NGLY1: variants seen among roughly 807,000 people sequenced by gnomAD.
NGLY1 encodes N-glycanase 1, also known as peptide-N(4)-(N-acetyl-beta-glucosaminyl)asparagine amidase.
A neutral mutation model predicts 84.6 loss-of-function variants in NGLY1; 68 were observed. The observed-to-expected ratio is 0.80, with a 90% CI of 0.66 to 0.98. The LOEUF is 0.98. NGLY1 is among the 50% of genes least tolerant of loss of function. The pLI, the probability that NGLY1 is intolerant of heterozygous loss-of-function variation, is 0.00. For synonymous variants in NGLY1, 280 were observed against 275.2 expected (o/e 1.02, Z -0.17); for missense variants, 779 against 770.2 (o/e 1.01, Z -0.14).
rs562572664 is a variant in NGLY1, at chr3:25,761,291, T to C, written c.492+2775A>G. Among the ~76,000 whole-genome samples the C allele has an allele frequency of 3.3e-5, 5 of 152,320 alleles. No individual in the cohort carries two copies. The South Asian group carries it at 1.0e-3, about 32-fold the overall frequency. ...ATCACATTTTCAACCGAGATAAAGT[T>C]GTGAAGCTGGAAACATAATGCTTCT... is the stretch of plus-strand genomic sequence containing the variant. On this transcript the variant is annotated intron_variant, in intron 3 of 11. Coordinates refer to ENST00000280700, the MANE Select transcript of NGLY1 (RefSeq NM_018297.4).
chr3:25,770,493 A>T (rs1371482342), intron 2 of NGLY1, among the ~76,000 whole-genome samples: 1 of 152,130 alleles, frequency 6.6e-6, no homozygotes, highest in African/African-American at 2.4e-5. Context: ...GATTGATTCC[A>T]TATTTTTGCA....
chr3:25,735,091 A>G lies in NGLY1; in HGVS notation c.1149+913T>C, dbSNP rs1226014830. 3.7e-5 allele frequency: 6 copies of G among 160,776 alleles called. No individual in the cohort carries two copies. In the East Asian group the frequency reaches 5.7e-4, roughly 15 times the overall value. The allele number at this position is 160,776 out of a possible 1,614,324, so 10.0% of individuals were successfully genotyped here. Reference sequence around the variant, plus strand: ...AATTAACTCAAAATGGATTGCAGACATAAGCATAAAACCAAAAAAAACTTC... The same window carrying G: ...AATTAACTCAAAATGGATTGCAGACGTAAGCATAAAACCAAAAAAAACTTC... On this transcript the variant is annotated intron_variant, in intron 7 of 11. Coordinates refer to ENST00000280700, the MANE Select transcript of NGLY1 (RefSeq NM_018297.4).
chr3:25,750,662 T>G (rs1008497058), intron 4 of NGLY1, among the ~76,000 whole-genome samples: 2 of 151,856 alleles, frequency 1.3e-5, no homozygotes, highest in African/African-American at 4.8e-5. Context: ...ATTAAAAAAT[T>G]GAAAAAAAAG....
In NGLY1 at chr3:25,719,042, A is replaced by G. The variant is rs1704843607; in HGVS notation, c.*418T>C. On this transcript the variant is annotated 3_prime_UTR_variant, in exon 12 of 12. Transcript: ENST00000280700. ...AATTTATGAGCTACTGTACTTTCACATTAATTAAAAATATTAGGAGACTCT... is the reference window on the plus strand; with the variant it reads ...AATTTATGAGCTACTGTACTTTCACGTTAATTAAAAATATTAGGAGACTCT... 6.5e-6 allele frequency: 1 copy of G among 152,846 alleles called. No individual in the cohort carries two copies. The highest frequency in any genetic ancestry group is 2.4e-5 in the African/African-American group (1 of 41,492). 9.5% of individuals were successfully genotyped at this position (152,846 alleles called of 1,614,324 possible). A position where few individuals can be genotyped will look rare whatever the true frequency, so the allele number is the denominator to read the frequency against.
intron 4 of NGLY1, among the ~76,000 whole-genome samples, chr3:25,747,150 ATT>A (rs1394168341): frequency 1.3e-5 from 2 of 152,184 alleles, no homozygotes; most frequent in African/African-American, 4.8e-5. Context: ...CTCATCTTCT[ATT>A]TAGCTGCTTC....
chr3:25,734,049 C>T, intron 7 of NGLY1, 67 bp from the exon 8 acceptor site: 5 of 1,574,786 alleles, frequency 3.2e-6, no homozygotes, highest in South Asian at 1.1e-5. Flanking sequence ...TTACTAAATA[C>T]CTAGAATGTA....
rs148118286 is a variant in NGLY1 at position 25,766,573 on chromosome 3, A to G, written c.247-2262T>C. Among the ~76,000 whole-genome samples, 37 of 152,370 alleles carry G rather than the reference A, an allele frequency of 2.4e-4. No homozygotes were observed. In the East Asian group the frequency reaches 7.1e-3, roughly 29 times the overall value. On this transcript the variant is annotated intron_variant, in intron 2 of 11. Coordinates refer to ENST00000280700, the MANE Select transcript of NGLY1 (RefSeq NM_018297.4). ...GAACATTTGTACAACTGTAATGATT[A>G]GACGACTGGCACAAATTGTAACACA...
chr3:25,783,355 C>G lies in NGLY1; in HGVS notation c.36G>C (p.Ser12=). 1.3e-6 allele frequency: 2 copies of G among 1,567,718 alleles called. No homozygotes were observed. The highest frequency in any genetic ancestry group is 1.2e-5 in the South Asian group (1 of 86,374). ...AAAALGSSSG[S]ASPAVAELCQ... ...AGAGCTCAGCCACGGCCGGGGACGCCGAGCCTGAGGAGCTGCCCAATGCCG... is the reference window on the plus strand; with the variant it reads ...AGAGCTCAGCCACGGCCGGGGACGCGGAGCCTGAGGAGCTGCCCAATGCCG... The change falls in exon 1 of 12, where the codon TCG becomes TCC. Residue 12 remains serine (S), a synonymous_variant. Coordinates refer to ENST00000280700, the MANE Select transcript of NGLY1 (RefSeq NM_018297.4). The surrounding 1 kb of genome is among the most constrained non-coding windows in gnomAD (Gnocchi z 4.5).
At position 25,755,343 on chromosome 3, in the gene NGLY1, G is replaced by A. The variant is rs1427617456; in HGVS notation, c.493-4080C>T. The A allele has an allele frequency of 3.7e-5, 49 of 1,322,446 alleles. No homozygotes were observed. The East Asian group carries it at 9.9e-4, about 27-fold the overall frequency. 81.9% of individuals were successfully genotyped at this position (1,322,446 alleles called of 1,614,324 possible). On this transcript the variant is annotated intron_variant, in intron 3 of 11. Coordinates refer to ENST00000280700, the MANE Select transcript of NGLY1 (RefSeq NM_018297.4). ...ATTAAAAAGGGACCTAACCAAGGGA[G>A]GCTAGTTCTACGATTGACTGTTGGT...
intron 5 of NGLY1, among the ~76,000 whole-genome samples, chr3:25,739,112 T>A (rs560696642): frequency 6.6e-6 from 1 of 152,174 alleles, no homozygotes; most frequent in Non-Finnish European, 1.5e-5. Flanking sequence ...GATGATAATA[T>A]GGAAGGTAAA....
At chr3:25,776,556 C>T (rs1708164327) in intron 2 of NGLY1, among the ~76,000 whole-genome samples, 1 of 152,132 alleles carries the variant, frequency 6.6e-6, no homozygotes, top group Admixed American at 6.6e-5. Context: ...CTCATATAGC[C>T]AACTGCTTAC....
At chr3:25,752,203 A>G (rs942025860) in intron 3 of NGLY1, among the ~76,000 whole-genome samples, 1 of 152,118 alleles carries the variant, frequency 6.6e-6, no homozygotes, top group Non-Finnish European at 1.5e-5. Flanking sequence ...TAGATCTTGG[A>G]CGTAAAAATT....
chr3:25,752,978 C>T (rs747685724), intron 3 of NGLY1, among the ~76,000 whole-genome samples: 2 of 151,942 alleles, frequency 1.3e-5, no homozygotes, highest in African/African-American at 2.4e-5. Flanking sequence ...AAATCCAAAA[C>T]TTCTCACATC....
Position 25,774,054 on chromosome 3 carries a change from T to C in NGLY1, c.246+4520A>G, listed in dbSNP as rs115274607. On this transcript the variant is annotated intron_variant, in intron 2 of 11. Coordinates refer to ENST00000280700, the MANE Select transcript of NGLY1 (RefSeq NM_018297.4). ...AAGTGGACTCTGTGTGGGACCTTGG[T>C]TGCAGTTTTGTTTAGTGTGTTGGTT... Among the ~76,000 whole-genome samples, 511 of 152,270 alleles carry C rather than the reference T, an allele frequency of 3.4e-3. 2 individuals carry two copies. Among genetic ancestry groups the C allele is most frequent in the African/African-American group, 0.011 (472 of 41,548 alleles).
chr3:25,763,206 A>G (rs908251516), intron 3 of NGLY1, among the ~76,000 whole-genome samples: 3 of 152,244 alleles, frequency 2.0e-5, no homozygotes, highest in Non-Finnish European at 4.4e-5. Flanking sequence ...CAGGACACTA[A>G]CAAAATACTA....
At chr3:25,779,193 T>G (rs1265975390) in intron 1 of NGLY1, among the ~76,000 whole-genome samples, 1 of 152,048 alleles carries the variant, frequency 6.6e-6, no homozygotes, top group Non-Finnish European at 1.5e-5. Context: ...CGCCTCAGCC[T>G]CCCAAAGTGC....
intron 1 of NGLY1, among the ~76,000 whole-genome samples, chr3:25,788,997 G>T (rs1708662351): frequency 6.6e-6 from 1 of 152,114 alleles, no homozygotes; most frequent in Admixed American, 6.5e-5. Context: ...GCATTGCCCA[G>T]AAAAAACCAT....
intron 2 of NGLY1, among the ~76,000 whole-genome samples, chr3:25,774,252 G>A (rs912148481): frequency 6.6e-6 from 1 of 152,228 alleles, no homozygotes. Context: ...CCCCCAGCCA[G>A]AAGGTGATGC....
upstream of NGLY1, among the ~76,000 whole-genome samples, chr3:25,783,863 G>T (rs946197771): frequency 2.0e-5 from 3 of 151,942 alleles, no homozygotes; most frequent in African/African-American, 7.3e-5. The surrounding 1 kb of genome is among the most constrained non-coding windows in gnomAD (Gnocchi z 4.5). Flanking sequence ...AGTCCTTTAG[G>T]ACGGAGGAGC....
Sources: gnomAD v4.1 joint callset for allele counts (sites outside exome capture counted in the v4.1 genomes callset) on GRCh38, gnomAD v4.1.1 for gene constraint, Gnocchi (gnomAD v3.1) non-coding constraint, MANE v1.5 for transcripts, NCBI Gene and HGNC (gene_info 2026-07-23, HGNC 2026-07-21) for gene names.